The following DPF1 variants were observed in gnomAD, a reference collection of about 807,000 sequenced individuals.
The protein encoded by DPF1 is double PHD fingers 1.
A neutral mutation model predicts 58.7 loss-of-function variants in DPF1; 14 were observed. The ratio of observed to expected loss-of-function variants is 0.24; its 90% CI spans 0.16 to 0.37. DPF1 has a LOEUF of 0.37. Ranked by LOEUF, DPF1 falls within the 10% of genes least tolerant of loss-of-function variation. The pLI, the probability that DPF1 is intolerant of heterozygous loss-of-function variation, is 1.00. For synonymous variants in DPF1, 216 were observed against 216.0 expected (o/e 1.00, Z 0.00); for missense variants, 345 against 529.9 (o/e 0.65, Z 3.43).
chr19:38,218,873 G>T, intron 4 of DPF1, 58 bp downstream of exon 4: 1 of 1,603,994 alleles, frequency 6.2e-7, no homozygotes, highest in Non-Finnish European at 8.5e-7. Context: ...GCCCGGGCTG[G>T]TGGCAGGCAG....
At chr19:38,226,202 C>G (rs906417211), upstream of DPF1, among the ~76,000 whole-genome samples, 7 of 151,588 alleles carry the variant, frequency 4.6e-5, no homozygotes, top group African/African-American at 1.7e-4. Flanking sequence ...CACTGAGTCA[C>G]AAACTGACCC....
At chr19:38,226,713 C>G (rs981388511), upstream of DPF1, among the ~76,000 whole-genome samples, 2 of 152,022 alleles carry the variant, frequency 1.3e-5, no homozygotes, top group African/African-American at 4.8e-5. Context: ...GCCTCCAGGG[C>G]CCTATAGTGG....
chr19:38,218,905 C>T (rs1380478994), intron 4 of DPF1, 26 bp downstream of exon 4: 17 of 1,612,580 alleles, frequency 1.1e-5, no homozygotes, highest in Admixed American at 5.0e-5. Flanking sequence ...AGCCATGCAG[C>T]GGGGGTCCCC....
upstream of DPF1, among the ~76,000 whole-genome samples, chr19:38,227,031 TTCC>T (rs1967861406): frequency 7.3e-6 from 1 of 137,178 alleles, no homozygotes; most frequent in East Asian, 2.1e-4. Flanking sequence ...CCTTCCTTCC[TTCC>T]TTTCTTTCTT....
In DPF1 at chr19:38,213,720, G is replaced by A. The variant is rs757077176; in HGVS notation, c.935C>T (p.Thr312Met). The A allele has an allele frequency of 1.2e-5, 20 of 1,613,928 alleles. No individual in the cohort carries two copies. The highest frequency in any genetic ancestry group is 1.7e-5 in the Non-Finnish European group (20 of 1,179,868). ...PSCLQFTVNM[T>M]AAVRTYRWQC... The stretch of plus-strand genomic sequence containing the variant: ...CCAGCGGTAGGTCCGCACGGCTGCC[G>A]TCATGTTCACCGTGAATTGTAAACA... Residue 312 changes from threonine (T) to methionine (M), a missense_variant, in exon 10 of 12, where the codon ACG (threonine) becomes ATG (methionine). Thr to Met is a moderately conservative substitution (Grantham distance 81, BLOSUM62 -1). Coordinates refer to ENST00000355526, the MANE Select transcript of DPF1 (RefSeq NM_001135155.3).
chr19:38,215,563 G>A (rs112939457), intron 9 of DPF1, among the ~76,000 whole-genome samples: 29,960 of 151,994 alleles, frequency 0.2, 3,132 homozygotes, highest in African/African-American at 0.26. Flanking sequence ...TCAGCCTCCC[G>A]AGTAGCTGGG....
At position 38,213,842 on chromosome 19, in the gene DPF1, C is replaced by T; in HGVS notation, c.899-86G>A. The T allele has an allele frequency of 7.9e-6, 9 of 1,137,786 alleles. 1 individual carries two copies. The highest frequency in any genetic ancestry group is 1.1e-5 in the Non-Finnish European group (9 of 787,934). The allele number at this position is 1,137,786 out of a possible 1,614,324, so 70.5% of individuals were successfully genotyped here. A position where few individuals can be genotyped will look rare whatever the true frequency, so the allele number is the denominator to read the frequency against. Reference sequence around the variant, plus strand: ...CGGCAGGGGAGCCATAGCTCAGCCCCTACCCCTGGCTCATGACGCCAGGAT... The same window carrying T: ...CGGCAGGGGAGCCATAGCTCAGCCCTTACCCCTGGCTCATGACGCCAGGAT... On this transcript the variant is annotated intron_variant, in intron 9 of 11. Coordinates refer to ENST00000355526, the MANE Select transcript of DPF1 (RefSeq NM_001135155.3).
At chr19:38,223,890 A>T in intron 1 of DPF1, 1 of 463,840 alleles carries the variant, frequency 2.2e-6, no homozygotes, top group Non-Finnish European at 3.5e-6. Context: ...TTCCCCAAAA[A>T]GAATCTGGAG....
upstream of DPF1, among the ~76,000 whole-genome samples, chr19:38,227,317 A>G (rs1202919939): frequency 1.6e-4 from 24 of 152,060 alleles, no homozygotes; most frequent in Admixed American, 1.6e-3. Flanking sequence ...AGCTCAAGTG[A>G]TCTGCCCACC....
Position 38,212,049 on chromosome 19 carries a change from C to T in DPF1, c.*14G>A, listed in dbSNP as rs934190160. On this transcript the variant is annotated 3_prime_UTR_variant, in exon 12 of 12. Coordinates refer to ENST00000355526, the MANE Select transcript of DPF1 (RefSeq NM_001135155.3). ...GGCGAGCACCACCCCAGAGTCGCGG[C>T]GAGCCGAGCCGGCCTAGGTGAGGGT... The T allele has an allele frequency of 5.6e-6, 9 of 1,601,676 alleles. No homozygotes were observed. Among genetic ancestry groups the T allele is most frequent in the Non-Finnish European group, 6.8e-6 (8 of 1,176,514 alleles).
Position 38,217,841 on chromosome 19 carries a change from G to T in DPF1, c.552C>A (p.Asp184Glu). 1 of 1,614,106 alleles carries T rather than the reference G, an allele frequency of 6.2e-7. No homozygotes were observed. The highest frequency in any genetic ancestry group is 8.5e-7 in the Non-Finnish European group (1 of 1,180,016). The change falls in exon 6 of 12, where the codon GAC (aspartate) becomes GAA (glutamate). Residue 184 changes from aspartate to glutamate, a missense_variant. Coordinates refer to ENST00000355526, the MANE Select transcript of DPF1 (RefSeq NM_001135155.3). ...YGIGGLRKRQ[D>E]TASLEDRDKP... ...TGTCTCGGTCCTCCAGGGAAGCGGT[G>T]TCCTGGCGTTTCCGGAGACCCCCGA...
At chr19:38,216,500 G>T (rs1014030469) in intron 7 of DPF1, 97 bp from the exon 8 acceptor site, 2 of 1,406,896 alleles carry the variant, frequency 1.4e-6, no homozygotes, top group South Asian at 1.5e-5. Flanking sequence ...TAGTCCAGGC[G>T]TGGGGAGCTG....
Position 38,218,996 on chromosome 19 carries a change from G to A in DPF1, c.361C>T (p.Leu121=), listed in dbSNP as rs1334924634. The A allele has an allele frequency of 3.1e-6, 5 of 1,614,204 alleles. No homozygotes were observed. The highest frequency in any genetic ancestry group is 4.2e-6 in the Non-Finnish European group (5 of 1,180,032). The part of the protein sequence containing the change: ...LPEGPVLEAL[L]CAETGEKKIE... ...TTCTTCTCCCCCGTCTCTGCACACAGTAGAGCCTCGAGGACCGGCCCTTCC... is the reference window on the plus strand; with the variant it reads ...TTCTTCTCCCCCGTCTCTGCACACAATAGAGCCTCGAGGACCGGCCCTTCC... Residue 121 remains leucine, a synonymous_variant, in exon 4 of 12, where the codon CTG becomes TTG. Transcript: ENST00000355526.
intron 9 of DPF1, among the ~76,000 whole-genome samples, chr19:38,215,496 A>AAG (rs1314153133): frequency 6.2e-5 from 2 of 32,468 alleles, no homozygotes; most frequent in Non-Finnish European, 5.1e-5. Flanking sequence ...CTGTCTCAAA[A>AAG]AACAAAACAA....
chr19:38,221,834 C>T (rs907113758), intron 3 of DPF1, among the ~76,000 whole-genome samples: 5 of 152,078 alleles, frequency 3.3e-5, no homozygotes, highest in East Asian at 1.9e-4. Flanking sequence ...GTAATCCCAG[C>T]ACTTTGGGAG....
upstream of DPF1, among the ~76,000 whole-genome samples, chr19:38,226,487 C>T (rs930903433): frequency 4.2e-5 from 6 of 142,120 alleles, no homozygotes; most frequent in East Asian, 8.5e-4. Context: ...AGGCCTCCTA[C>T]ACTCACGGTC....
At chr19:38,214,816 G>A (rs894342346) in intron 9 of DPF1, among the ~76,000 whole-genome samples, 2 of 147,746 alleles carry the variant, frequency 1.4e-5, no homozygotes, top group African/African-American at 2.5e-5. Flanking sequence ...AATGGGGTGC[G>A]AAACTATGCC....
In DPF1 at chr19:38,217,604, C is replaced by T. The variant is rs1967125648; in HGVS notation, c.596-13G>A. 4 of 1,542,324 alleles carry T rather than the reference C, an allele frequency of 2.6e-6. No homozygotes were observed. The highest frequency in any genetic ancestry group is 1.4e-5 in the African/African-American group (1 of 72,852). Reference sequence around the variant, plus strand: ...CGTTTCCCACAGACTGGGGAGCGAGCGAGCCAGGAGGGCCTGTCAGCCCCT... The same window carrying T: ...CGTTTCCCACAGACTGGGGAGCGAGTGAGCCAGGAGGGCCTGTCAGCCCCT... On this transcript the variant is annotated splice_polypyrimidine_tract_variant and intron_variant, in intron 6 of 11. Transcript: ENST00000355526.
Position 38,222,740 on chromosome 19 carries a change from C to G in DPF1, c.30-32G>C. The G allele has an allele frequency of 6.5e-7, 1 of 1,544,760 alleles. No individual in the cohort carries two copies. The highest frequency in any genetic ancestry group is 8.7e-7 in the Non-Finnish European group (1 of 1,146,136). On this transcript the variant is annotated intron_variant, in intron 1 of 11. Transcript: ENST00000355526. The surrounding 1 kb of genome is among the most constrained non-coding windows in gnomAD (Gnocchi z 4.9). Reference sequence around the variant, plus strand: ...GGGCGGCGAACGGGCGGGCGGCTGTCAGCAAGGGCAGGCGCACAGGGTCGC... The same window carrying G: ...GGGCGGCGAACGGGCGGGCGGCTGTGAGCAAGGGCAGGCGCACAGGGTCGC...
Sources: allele counts gnomAD v4.1 joint callset (sites outside exome capture counted in the v4.1 genomes callset), GRCh38; gene constraint gnomAD v4.1.1; non-coding constraint Gnocchi (gnomAD v3.1); transcripts MANE v1.5; gene names NCBI Gene and HGNC (gene_info 2026-07-23, HGNC 2026-07-21).